The following PAM variants were observed in gnomAD, a reference collection of about 807,000 sequenced individuals.
PAM encodes the protein peptidylglycine alpha-amidating monooxygenase.
In PAM, 72 loss-of-function variants were observed where a neutral mutation model predicts 122.1. The ratio of observed to expected loss-of-function variants is 0.59; its 90% CI spans 0.49 to 0.72. The LOEUF (loss-of-function observed/expected upper bound fraction) is 0.72. Ranked by LOEUF, PAM falls within the 30% of genes least tolerant of loss-of-function variation. The pLI, the probability that PAM is intolerant of heterozygous loss-of-function variation, is 0.00. For synonymous variants in PAM, 389 were observed against 404.4 expected (o/e 0.96, Z 0.46); for missense variants, 1,106 against 1,183.7 (o/e 0.93, Z 0.96).
At chr5:102,898,240 A>G (rs552072973) in intron 3 of PAM, among the ~76,000 whole-genome samples, 2 of 151,720 alleles carry the variant, frequency 1.3e-5, no homozygotes, top group East Asian at 3.9e-4. Context: ...ATGTAGATTC[A>G]TATTATTTCT....
At chr5:102,950,416 G>GGGTATGTGTGTGTGTGTGTGTGTGT (rs372626572) in intron 11 of PAM, among the ~76,000 whole-genome samples, 59 of 146,062 alleles carry the variant, frequency 4.0e-4, no homozygotes, top group African/African-American at 1.4e-3. Context: ...TATGTGGGTG[G>GGGTATGTGTGTGTGTGTGTGTGTGT]GTGTGTGTGT....
chr5:102,884,612 A>C (rs949624445), intron 3 of PAM, among the ~76,000 whole-genome samples: 2 of 151,916 alleles, frequency 1.3e-5, no homozygotes, highest in African/African-American at 4.8e-5. Context: ...TCTTTGTTTC[A>C]CTTATTTTCA....
At chr5:102,825,832 A>G (rs531057420) in intron 1 of PAM, among the ~76,000 whole-genome samples, 3 of 152,112 alleles carry the variant, frequency 2.0e-5, no homozygotes, top group Non-Finnish European at 4.4e-5. Context: ...TGGGCAACAG[A>G]TCAATACCCC....
chr5:102,787,337 T>C (rs1429610493), intron 1 of PAM, among the ~76,000 whole-genome samples: 1 of 152,076 alleles, frequency 6.6e-6, no homozygotes, highest in Non-Finnish European at 1.5e-5. Context: ...CATTATCCCG[T>C]GCTGTCTAGA....
At position 102,820,759 on chromosome 5, in the gene PAM, C is replaced by T. The variant is rs190848675; in HGVS notation, c.-373-45064C>T. The stretch of plus-strand genomic sequence containing the variant: ...CACATGGATAAGTAATTATAATTGA[C>T]AAGATGAAAACATGCTATGTAGTAC... On this transcript the variant is annotated intron_variant, in intron 1 of 25. Coordinates refer to ENST00000438793, the MANE Select transcript of PAM (RefSeq NM_001177306.2). 6.6e-5 allele frequency among the ~76,000 whole-genome samples: 10 copies of T among 151,948 alleles called. No homozygotes were observed. The East Asian group carries it at 1.9e-3, about 29-fold the overall frequency.
At chr5:102,814,091 G>A (rs28092) in intron 1 of PAM, among the ~76,000 whole-genome samples, 106,528 of 152,088 alleles carry the variant, frequency 0.7, 37,718 homozygotes, top group South Asian at 0.8. Context: ...AACTGTTCCC[G>A]TGTGCTTTTT....
At chr5:103,021,401 C>A (rs181656032) in intron 23 of PAM, among the ~76,000 whole-genome samples, 92 of 152,250 alleles carry the variant, frequency 6.0e-4, no homozygotes, top group African/African-American at 2.0e-3. Flanking sequence ...ATAGATCTCA[C>A]CAAAAAATTC....
chr5:102,887,969 T>C (rs1793659823), intron 3 of PAM, among the ~76,000 whole-genome samples: 1 of 151,994 alleles, frequency 6.6e-6, no homozygotes, highest in Non-Finnish European at 1.5e-5. Context: ...TAGAGTGCTA[T>C]GGTAGCTCTC....
At chr5:102,826,878 T>G (rs1773797864) in intron 1 of PAM, among the ~76,000 whole-genome samples, 1 of 152,206 alleles carries the variant, frequency 6.6e-6, no homozygotes, top group African/African-American at 2.4e-5. Context: ...CCTTTATTTT[T>G]CAATGATATT....
intron 5 of PAM, among the ~76,000 whole-genome samples, chr5:102,919,977 T>C (rs142419656): frequency 5.4e-4 from 82 of 152,264 alleles, no homozygotes; most frequent in African/African-American, 1.8e-3. Context: ...AATGCATTTT[T>C]CCTCACAAGA....
chr5:102,914,486 G>A (rs894074075), intron 5 of PAM, among the ~76,000 whole-genome samples: 2 of 151,940 alleles, frequency 1.3e-5, no homozygotes, highest in Admixed American at 1.3e-4. Flanking sequence ...AGGTGCAGAA[G>A]GTTTGTAAAG....
chr5:103,018,243 T>A (rs1209387884), intron 22 of PAM, among the ~76,000 whole-genome samples: 2 of 151,994 alleles, frequency 1.3e-5, no homozygotes, highest in African/African-American at 4.8e-5. Flanking sequence ...CAACAGGTAG[T>A]TTTAGATAAA....
chr5:102,786,502 T>C (rs916007518), intron 1 of PAM, among the ~76,000 whole-genome samples: 9 of 152,294 alleles, frequency 5.9e-5, no homozygotes, highest in African/African-American at 1.4e-4. Context: ...AGTTTTTTAA[T>C]GTGGTTTCTG....
chr5:102,963,748 C>T (rs1446880446), intron 14 of PAM, among the ~76,000 whole-genome samples: 1 of 151,596 alleles, frequency 6.6e-6, no homozygotes, highest in Non-Finnish European at 1.5e-5. Flanking sequence ...TTAGTGGGTA[C>T]AGATAGTTCT....
intron 1 of PAM, among the ~76,000 whole-genome samples, chr5:102,828,126 C>T (rs1774214370): frequency 6.6e-6 from 1 of 152,016 alleles, no homozygotes; most frequent in African/African-American, 2.4e-5. Context: ...ATTGCTTCAG[C>T]TCTGGAGTTC....
chr5:102,899,594 T>C (rs536045488), intron 3 of PAM, among the ~76,000 whole-genome samples: 1 of 151,906 alleles, frequency 6.6e-6, no homozygotes, highest in African/African-American at 2.4e-5. Context: ...AAGTCATTAT[T>C]TGTCACATTG....
intron 23 of PAM, 41 bp downstream of exon 23, chr5:103,019,884 G>A: frequency 1.6e-6 from 2 of 1,251,044 alleles, no homozygotes; most frequent in Non-Finnish European, 2.4e-6. Flanking sequence ...CCAAAGTCTG[G>A]CTGTGTTGAA....
chr5:103,025,087 A>T, intron 23 of PAM, 44 bp from the exon 24 acceptor site: 2 of 1,435,744 alleles, frequency 1.4e-6, no homozygotes, highest in Non-Finnish European at 2.0e-6. Flanking sequence ...GGGTTTTGAA[A>T]TCTTTGAGTC....
intron 1 of PAM, among the ~76,000 whole-genome samples, chr5:102,812,816 CA>C (rs1398810182): frequency 1.3e-5 from 2 of 151,942 alleles, no homozygotes; most frequent in African/African-American, 4.8e-5. Context: ...AATGAAATAG[CA>C]ATCTATCAAA....
Sources: allele counts gnomAD v4.1 joint callset (sites outside exome capture counted in the v4.1 genomes callset), GRCh38; gene constraint gnomAD v4.1.1; transcripts MANE v1.5; gene names NCBI Gene and HGNC (gene_info 2026-07-23, HGNC 2026-07-21).